The following VWF variants were observed in gnomAD, a reference collection of about 807,000 sequenced individuals.
The protein encoded by VWF is von Willebrand factor.
In VWF, 176 loss-of-function variants were observed where a neutral mutation model predicts 308.6. That is an observed-to-expected ratio of 0.57 (90% confidence interval 0.50 to 0.65). The LOEUF (loss-of-function observed/expected upper bound fraction) is 0.65. Ranked by LOEUF, VWF falls within the 30% of genes least tolerant of loss-of-function variation. The pLI is 0.00. For missense variants in VWF, 3,146 were observed against 3,648.2 expected (o/e 0.86, Z 3.55); for synonymous variants, 1,385 against 1,443.4 (o/e 0.96, Z 0.92).
rs1306227397 is a variant in VWF, at chr12:6,020,201, C to T, written c.3675-458G>A. Among the ~76,000 whole-genome samples, 3 of 152,204 alleles carry T rather than the reference C, an allele frequency of 2.0e-5. No homozygotes were observed. The highest frequency in any genetic ancestry group is 4.4e-5 in the Non-Finnish European group (3 of 68,044). ...TGTTCTGTTGAAGATAAATGCTTTACAGTACATATTCTAACAGAATGTAAA... is the reference window on the plus strand; with the variant it reads ...TGTTCTGTTGAAGATAAATGCTTTATAGTACATATTCTAACAGAATGTAAA... On this transcript the variant is annotated intron_variant, in intron 27 of 51. Transcript: ENST00000261405. The surrounding 1 kb of genome is among the most constrained non-coding windows in gnomAD (Gnocchi z 4.3).
rs561040738 is a variant in VWF at position 6,052,395 on chromosome 12, C to T, written c.2186+148G>A. 8.9e-5 allele frequency: 111 copies of T among 1,243,328 alleles called. No homozygotes were observed. In the South Asian group the frequency reaches 1.1e-3, roughly 12 times the overall value. 77.0% of individuals were successfully genotyped at this position (1,243,328 alleles called of 1,614,324 possible). On this transcript the variant is annotated intron_variant, in intron 16 of 51. Transcript: ENST00000261405. The stretch of plus-strand genomic sequence containing the variant: ...GAAGACCTGGACCAAATCCCAGCTC[C>T]GCTTCTGACTTGCTGTACAGTTCTG...
rs543296493 is a variant in VWF at position 6,027,026 on chromosome 12, G to A, written c.2968-980C>T. Among the ~76,000 whole-genome samples the A allele has an allele frequency of 1.6e-4, 24 of 147,484 alleles. No individual in the cohort carries two copies. The East Asian group carries it at 4.6e-3, about 28-fold the overall frequency. On this transcript the variant is annotated intron_variant, in intron 22 of 51. Coordinates refer to ENST00000261405, the MANE Select transcript of VWF (RefSeq NM_000552.5). ...TGATGTTGAGACAAAGAGAAAAAAT[G>A]TATTCTATCTTGCTTCAATAAGCTG...
At chr12:6,003,887 C>A (rs1319017630) in intron 34 of VWF, among the ~76,000 whole-genome samples, 1 of 145,228 alleles carries the variant, frequency 6.9e-6, no homozygotes, top group Non-Finnish European at 1.5e-5. Context: ...AAGATCTCGG[C>A]TCACTACAAG....
intron 1 of VWF, among the ~76,000 whole-genome samples, chr12:6,124,088 G>T (rs141767603): frequency 6.6e-6 from 1 of 152,184 alleles, no homozygotes; most frequent in South Asian, 2.1e-4. Context: ...GCCAGGTCTC[G>T]GTCTCCAAGC....
intron 22 of VWF, among the ~76,000 whole-genome samples, 154 bp downstream of exon 22, chr12:6,029,188 A>G (rs1184500866): frequency 1.3e-5 from 2 of 152,218 alleles, no homozygotes; most frequent in African/African-American, 4.8e-5. Context: ...AAAGGGATCA[A>G]TTCAACAAGA....
chr12:5,976,170 C>T lies in VWF; in HGVS notation c.7378G>A (p.Val2460Met), dbSNP rs149677556. Reference protein sequence around the residue: ...VCTCTDMEDAVMGLRVAQCSQ... With the variant: ...VCTCTDMEDAMMGLRVAQCSQ... ...CACTGGGCCACGCGGAGGCCCATCA[C>T]GGCATCCTCCATGTCGGTGCAGGTG... Residue 2460 changes from valine to methionine, a missense_variant, in exon 43 of 52, where the codon GTG becomes ATG. By Grantham distance (21) the Val-to-Met change is conservative. Transcript: ENST00000261405. 9.3e-6 allele frequency: 15 copies of T among 1,614,032 alleles called. No individual in the cohort carries two copies. The highest frequency in any genetic ancestry group is 1.7e-5 in the Admixed American group (1 of 60,010).
chr12:5,960,809 T>TA (rs1447895256), intron 47 of VWF, among the ~76,000 whole-genome samples: 1 of 152,148 alleles, frequency 6.6e-6, no homozygotes, highest in African/African-American at 2.4e-5. Context: ...CTCTCAGCAC[T>TA]AAAAAAATAG....
intron 3 of VWF, among the ~76,000 whole-genome samples, chr12:6,114,247 C>T (rs1025666899): frequency 7.9e-5 from 12 of 152,146 alleles, no homozygotes; most frequent in Non-Finnish European, 1.5e-4. Flanking sequence ...GTAGGGAACG[C>T]TTCAGAGGCA....
chr12:5,980,137 A>AG (rs1431265543), intron 42 of VWF, among the ~76,000 whole-genome samples: 62 of 75,616 alleles, frequency 8.2e-4, no homozygotes, highest in African/African-American at 1.9e-3. Context: ...GAAGGAAGGA[A>AG]GAAAGGAGTG....
Position 5,967,581 on chromosome 12 carries a change from C to A in VWF, c.7792G>T (p.Asp2598Tyr). The A allele has an allele frequency of 6.2e-7, 1 of 1,613,960 alleles. No individual in the cohort carries two copies. Among genetic ancestry groups the A allele is most frequent in the Non-Finnish European group, 8.5e-7 (1 of 1,180,018 alleles). ...ATGCAGCGGCAGGTCGTGCACACAT[C>A]GATCATCACAGTCTTCCCGGGCTGG... ...VIGPGKTVMI[D>Y]VCTTCRCMVQ... The change falls in exon 47 of 52, where the codon GAT (aspartate) becomes TAT (tyrosine). Residue 2598 changes from aspartate to tyrosine, a missense_variant. By Grantham distance (160) the Asp-to-Tyr change is radical. This residue lies in a region of VWF where 989 missense variants were observed against 1,117.4 expected (regional missense o/e 0.89). Coordinates refer to ENST00000261405, the MANE Select transcript of VWF (RefSeq NM_000552.5).
At chr12:6,112,069 A>C (rs1945313709) in intron 3 of VWF, among the ~76,000 whole-genome samples, 1 of 152,186 alleles carries the variant, frequency 6.6e-6, no homozygotes, top group Non-Finnish European at 1.5e-5. Context: ...GCTCCACCTA[A>C]GTTTGCTGAA....
At chr12:6,077,193 C>CCAG (rs1269568320) in intron 6 of VWF, among the ~76,000 whole-genome samples, 4 of 152,198 alleles carry the variant, frequency 2.6e-5, no homozygotes, top group Non-Finnish European at 5.9e-5. Context: ...GCTTGTAATC[C>CCAG]CAGCTACTCG....
At chr12:5,966,561 G>A (rs1347504844) in intron 47 of VWF, among the ~76,000 whole-genome samples, 2 of 152,130 alleles carry the variant, frequency 1.3e-5, no homozygotes, top group Non-Finnish European at 2.9e-5. Flanking sequence ...CCTCAACAGT[G>A]TAAAACGCAC....
intron 44 of VWF, among the ~76,000 whole-genome samples, chr12:5,969,725 G>C (rs1943448483): frequency 6.6e-6 from 1 of 152,206 alleles, no homozygotes; most frequent in African/African-American, 2.4e-5. Context: ...CAGTGGGAAG[G>C]TGCAGCCGGG....
intron 16 of VWF, among the ~76,000 whole-genome samples, chr12:6,050,780 AC>A (rs1480761316): frequency 6.6e-6 from 1 of 151,846 alleles, no homozygotes; most frequent in Non-Finnish European, 1.5e-5. Context: ...ACATGGCGAA[AC>A]CCCGTCTCTA....
At chr12:6,082,012 G>A (rs762472898) in intron 6 of VWF, among the ~76,000 whole-genome samples, 7 of 151,968 alleles carry the variant, frequency 4.6e-5, no homozygotes, top group Non-Finnish European at 1.0e-4. Context: ...TGTCGCCCAG[G>A]CTGGAGTGCA....
chr12:5,995,865 T>C, intron 35 of VWF, 137 bp downstream of exon 35: 1 of 788,730 alleles, frequency 1.3e-6, no homozygotes, highest in Non-Finnish European at 2.1e-6. Flanking sequence ...TCTAAGAAAG[T>C]GGTACTCCTC....
chr12:6,117,325 C>T (rs894076712), intron 3 of VWF, among the ~76,000 whole-genome samples: 1 of 152,180 alleles, frequency 6.6e-6, no homozygotes, highest in African/African-American at 2.4e-5. Context: ...ACCCAGAAAA[C>T]GGTGGCCCGA....
Position 6,058,016 on chromosome 12 carries a change from C to G in VWF, c.1562G>C (p.Cys521Ser), listed in dbSNP as rs148591481. The change falls in exon 14 of 52, where the codon TGC (cysteine) becomes TCC (serine). Residue 521 changes from cysteine (C) to serine (S), a missense_variant. Around this residue, in one of 3 missense-constraint regions of VWF, gnomAD observed 1,304 missense variants for 1,353.0 expected, o/e 0.96. Coordinates refer to ENST00000261405, the MANE Select transcript of VWF (RefSeq NM_000552.5). The surrounding 1 kb of genome is among the most constrained non-coding windows in gnomAD (Gnocchi z 4.9). ...KLSPVYAGKT[C>S]GLCGNYNGNQ... ...GCCATTGTAATTCCCACACAGGCCG[C>G]AGGTCTTCCCGGCATAGACGGGGGA... The G allele has an allele frequency of 2.0e-4, 323 of 1,613,320 alleles. 1 individual carries two copies. In the African/African-American group the frequency reaches 4.1e-3, roughly 20 times the overall value.
Sources: allele counts gnomAD v4.1 joint callset (sites outside exome capture counted in the v4.1 genomes callset), GRCh38; gene constraint gnomAD v4.1.1; regional missense constraint gnomAD v4.1.1; non-coding constraint Gnocchi (gnomAD v3.1); transcripts MANE v1.5; gene names NCBI Gene and HGNC (gene_info 2026-07-23, HGNC 2026-07-21).